The following TDRD5 variants were observed in gnomAD, a reference collection of about 807,000 sequenced individuals.
TDRD5 encodes the protein tudor domain-containing protein 5.
TDRD5 carries 41 observed loss-of-function variants against 120.6 expected under a neutral mutation model. The observed-to-expected ratio is 0.34, with a 90% CI of 0.26 to 0.44. TDRD5 has a LOEUF of 0.44. Ranked by LOEUF, TDRD5 falls within the 20% of genes least tolerant of loss-of-function variation. The pLI is 1.00. For synonymous variants in TDRD5, 430 were observed against 433.7 expected, an observed-to-expected ratio of 0.99 and a Z score of 0.11; for missense variants, 1,006 against 1,221.2, an observed-to-expected ratio of 0.82 and a Z score of 2.63.
At chr1:179,609,818 C>T (rs187521853) in intron 4 of TDRD5, among the ~76,000 whole-genome samples, 4 of 152,304 alleles carry the variant, frequency 2.6e-5, no homozygotes, top group Admixed American at 6.5e-5. Context: ...TCTCCACTTG[C>T]GCAAATCAGT....
intron 4 of TDRD5, among the ~76,000 whole-genome samples, chr1:179,613,284 T>C (rs1407936822): frequency 6.6e-6 from 1 of 152,154 alleles, no homozygotes; most frequent in East Asian, 1.9e-4. Context: ...AAGGAGCTAT[T>C]CAGTGGGTTA....
intron 4 of TDRD5, among the ~76,000 whole-genome samples, chr1:179,613,091 G>A (rs1202379000): frequency 6.6e-6 from 1 of 152,106 alleles, no homozygotes; most frequent in East Asian, 1.9e-4. Flanking sequence ...TGAAATCAGG[G>A]TGGTCTTAGT....
intron 6 of TDRD5, among the ~76,000 whole-genome samples, chr1:179,627,944 T>C (rs755365723): frequency 6.6e-6 from 1 of 152,180 alleles, no homozygotes; most frequent in African/African-American, 2.4e-5. Flanking sequence ...AGAATGCTGC[T>C]GTTAAAACCC....
At chr1:179,688,702 C>CT (rs1334308150) in intron 17 of TDRD5, among the ~76,000 whole-genome samples, 1 of 152,182 alleles carries the variant, frequency 6.6e-6, no homozygotes, top group Admixed American at 6.5e-5. Context: ...TAGATTTGGT[C>CT]TTTTCACATA....
intron 4 of TDRD5, among the ~76,000 whole-genome samples, chr1:179,616,676 T>C (rs932682603): frequency 2.6e-5 from 4 of 152,196 alleles, no homozygotes; most frequent in South Asian, 4.1e-4. Context: ...CCTAATGCCT[T>C]AGGCAAACTA....
At chr1:179,604,224 C>T (rs1404464887) in intron 4 of TDRD5, among the ~76,000 whole-genome samples, 1 of 151,942 alleles carries the variant, frequency 6.6e-6, no homozygotes, top group Non-Finnish European at 1.5e-5. Flanking sequence ...GTTATAATAT[C>T]TCCTGTTTCA....
intron 17 of TDRD5, among the ~76,000 whole-genome samples, chr1:179,683,904 G>A (rs1403827206): frequency 6.6e-6 from 1 of 152,138 alleles, no homozygotes; most frequent in Non-Finnish European, 1.5e-5. Context: ...GTAATAAGCG[G>A]TTTATAGACC....
chr1:179,666,970 A>G (rs1288364679), intron 16 of TDRD5, among the ~76,000 whole-genome samples: 1 of 152,216 alleles, frequency 6.6e-6, no homozygotes, highest in Non-Finnish European at 1.5e-5. Flanking sequence ...GGAGTCAGTC[A>G]TTTATAACTA....
chr1:179,647,089 G>T (rs1018232172), intron 11 of TDRD5, among the ~76,000 whole-genome samples: 1 of 149,504 alleles, frequency 6.7e-6, no homozygotes, highest in Non-Finnish European at 1.5e-5. Flanking sequence ...TCACAGAATT[G>T]GAAAAAACTA....
chr1:179,619,217 T>C (rs1190730390), intron 5 of TDRD5, among the ~76,000 whole-genome samples: 1 of 152,222 alleles, frequency 6.6e-6, no homozygotes, highest in East Asian at 1.9e-4. Flanking sequence ...AACAGATTTA[T>C]ACTCCCACTG....
chr1:179,640,489 C>G, intron 11 of TDRD5, 44 bp downstream of exon 11: 1 of 1,572,396 alleles, frequency 6.4e-7, no homozygotes. Flanking sequence ...CACTTGAGTG[C>G]CTATTATGTG....
At chr1:179,652,553 T>A (rs944257201) in intron 13 of TDRD5, among the ~76,000 whole-genome samples, 1 of 152,148 alleles carries the variant, frequency 6.6e-6, no homozygotes, top group African/African-American at 2.4e-5. Flanking sequence ...AATAATAATA[T>A]TGTAATGTTA....
chr1:179,675,270 A>ATTTTTTTT lies in TDRD5; in HGVS notation c.2860+5868_2860+5869insTTTTTTTT, dbSNP rs879312785. Among the ~76,000 whole-genome samples the ATTTTTTTT allele has an allele frequency of 9.4e-3, 554 of 58,994 alleles. 20 individuals are homozygous for ATTTTTTTT. The highest frequency in any genetic ancestry group is 0.019 in the East Asian group (38 of 2,046). 38.7% of individuals were successfully genotyped at this position (58,994 alleles called of 152,430 possible). A position where few individuals can be genotyped will look rare whatever the true frequency, so the allele number is the denominator to read the frequency against. ...TCAAAGAATTTTTATTATTATTATTATTATTTTTTTTTTTTTTTTTTTTTT... is the reference window on the plus strand; with the variant it reads ...TCAAAGAATTTTTATTATTATTATTATTTTTTTTTTATTTTTTTTTTTTTTTTTTTTTT... On this transcript the variant is annotated intron_variant, in intron 17 of 17. Coordinates refer to ENST00000444136, the MANE Select transcript of TDRD5 (RefSeq NM_001199085.3).
At chr1:179,650,658 T>A (rs1351355461) in intron 11 of TDRD5, among the ~76,000 whole-genome samples, 1 of 152,160 alleles carries the variant, frequency 6.6e-6, no homozygotes, top group Non-Finnish European at 1.5e-5. Flanking sequence ...TATTTAAATT[T>A]TTTCAGTAAT....
chr1:179,668,482 A>C (rs950786265), intron 16 of TDRD5, among the ~76,000 whole-genome samples: 2 of 152,228 alleles, frequency 1.3e-5, no homozygotes, highest in Admixed American at 1.3e-4. Context: ...AAGTGAAAGA[A>C]GACGTAGTAT....
intron 17 of TDRD5, among the ~76,000 whole-genome samples, chr1:179,678,662 A>G (rs1680264370): frequency 1.3e-5 from 2 of 152,150 alleles, no homozygotes; most frequent in Admixed American, 1.3e-4. Context: ...TCCCTAAGTA[A>G]TATTTTTATA....
At chr1:179,639,465 C>T (rs772889749) in intron 9 of TDRD5, among the ~76,000 whole-genome samples, 1 of 152,124 alleles carries the variant, frequency 6.6e-6, no homozygotes, top group Non-Finnish European at 1.5e-5. Flanking sequence ...GATAGGGTAA[C>T]GCTGCAGCAA....
At chr1:179,640,191 A>C in intron 10 of TDRD5, 140 bp downstream of exon 10, 1 of 1,091,198 alleles carries the variant, frequency 9.2e-7, no homozygotes. Context: ...ATATTTGACA[A>C]CTGGGTCATT....
At chr1:179,659,602 C>T (rs1433022681) in intron 14 of TDRD5, among the ~76,000 whole-genome samples, 1 of 145,448 alleles carries the variant, frequency 6.9e-6, no homozygotes, top group Non-Finnish European at 1.5e-5. Flanking sequence ...CGCGCGCTTG[C>T]CTGGTATATT....
Sources: gnomAD v4.1 joint callset for allele counts (sites outside exome capture counted in the v4.1 genomes callset) on GRCh38, gnomAD v4.1.1 for gene constraint, MANE v1.5 for transcripts, NCBI Gene and HGNC (gene_info 2026-07-23, HGNC 2026-07-21) for gene names.